Variants in PCDHGA7 observed in about 807,000 individuals in gnomAD.
PCDHGA7 encodes protocadherin gamma subfamily A, 7, also known as protocadherin gamma-A7.
A neutral mutation model predicts 58.3 loss-of-function variants in PCDHGA7; 44 were observed. The observed-to-expected ratio is 0.75, with a 90% CI of 0.59 to 0.97. PCDHGA7 has a LOEUF of 0.97. Ranked by LOEUF, PCDHGA7 falls within the 50% of genes least tolerant of loss-of-function variation. The pLI is 0.00. For missense variants in PCDHGA7, 1,266 were observed against 1,188.7 expected, an observed-to-expected ratio of 1.06 and a Z score of -0.96; for synonymous variants, 516 against 504.2, an observed-to-expected ratio of 1.02 and a Z score of -0.31.
chr5:141,469,499 C>T lies in PCDHGA7; in HGVS notation c.2425-25308C>T, dbSNP rs1023274165. Among the ~76,000 whole-genome samples, 22 of 152,128 alleles carry T rather than the reference C, an allele frequency of 1.4e-4. 1 individual carries two copies. The highest frequency in any genetic ancestry group is 3.9e-4 in the African/African-American group (16 of 41,510). On this transcript the variant is annotated intron_variant, in intron 1 of 3. Coordinates refer to ENST00000518325, the MANE Select transcript of PCDHGA7 (RefSeq NM_018920.4). ...CTGAGGCAGGAGAATCGCTTGAACC[C>T]GGGAGGTGGAGGTTGCAGTGAGCCA...
In PCDHGA7 at chr5:141,470,146, A is replaced by G. The variant is rs181633492; in HGVS notation, c.2425-24661A>G. On this transcript the variant is annotated intron_variant, in intron 1 of 3. Coordinates refer to ENST00000518325, the MANE Select transcript of PCDHGA7 (RefSeq NM_018920.4). ...TTCGTCTCAAAAAAAAAGATCATAG[A>G]TCATCTTATCAAATCAAAGTATGCA... Among the ~76,000 whole-genome samples, 102 of 152,308 alleles carry G rather than the reference A, an allele frequency of 6.7e-4. 2 individuals carry two copies. Among genetic ancestry groups the G allele is most frequent in the African/African-American group, 2.4e-3 (99 of 41,558 alleles).
intron 1 of PCDHGA7, among the ~76,000 whole-genome samples, chr5:141,386,522 C>CT (rs35543697): frequency 1 from 152,285 of 152,292 alleles, 76,139 homozygotes; most frequent in Middle Eastern, 1. Flanking sequence ...CAAAAAAAGA[C>CT]TCTTTTTAGA....
At chr5:141,464,156 T>C (rs2099077051) in intron 1 of PCDHGA7, among the ~76,000 whole-genome samples, 2 of 151,752 alleles carry the variant, frequency 1.3e-5, no homozygotes, top group Non-Finnish European at 1.5e-5. Context: ...TCCCAGCTAC[T>C]TGGAAGGCTG....
Position 141,383,067 on chromosome 5 carries a change from C to G in PCDHGA7, c.168C>G (p.Pro56=). 2 of 1,613,822 alleles carry G rather than the reference C, an allele frequency of 1.2e-6. No individual in the cohort carries two copies. Among genetic ancestry groups the G allele is most frequent in the South Asian group, 1.1e-5 (1 of 91,076 alleles). The change falls in exon 1 of 4, where the codon CCC becomes CCG. Residue 56 remains proline, a synonymous_variant. Transcript: ENST00000518325. ...TCGCCAAGGACCTGGGGCTGGAGCC[C>G]CGGGAGCTGGCGGAGCGCGGAGTCC... ...GDIAKDLGLE[P]RELAERGVRI...
rs200254467 is a variant in PCDHGA7 at position 141,419,887 on chromosome 5, C to T, written c.2424+34564C>T. 380 of 1,614,050 alleles carry T rather than the reference C, an allele frequency of 2.4e-4. 1 individual carries two copies. The Admixed American group carries it at 2.6e-3, about 11-fold the overall frequency. ...TGCAAGAGGTACTGCCGGATTTCAGCGACCATCCCACACCCTCTGACTCCC... is the reference window on the plus strand; with the variant it reads ...TGCAAGAGGTACTGCCGGATTTCAGTGACCATCCCACACCCTCTGACTCCC... On this transcript the variant is annotated intron_variant, in intron 1 of 3. Transcript: ENST00000518325.
chr5:141,492,464 C>G (rs1595116794), intron 1 of PCDHGA7, among the ~76,000 whole-genome samples: 1 of 152,354 alleles, frequency 6.6e-6, no homozygotes, highest in Non-Finnish European at 1.5e-5. Context: ...GCCTGAGGGT[C>G]CCAGATCGCG....
Position 141,432,856 on chromosome 5 carries a change from G to A in PCDHGA7, c.2424+47533G>A, listed in dbSNP as rs773243805. 8.7e-6 allele frequency: 14 copies of A among 1,614,024 alleles called. No homozygotes were observed. The highest frequency in any genetic ancestry group is 1.3e-5 in the African/African-American group (1 of 74,908). ...TGTACCTGGTGGTAGCGGTGGCCGC[G>A]GTCTCCTGCGTCTTCCTGGCCTTCG... On this transcript the variant is annotated intron_variant, in intron 1 of 3. Coordinates refer to ENST00000518325, the MANE Select transcript of PCDHGA7 (RefSeq NM_018920.4). The surrounding 1 kb of genome is among the most constrained non-coding windows in gnomAD (Gnocchi z 6.0).
intron 1 of PCDHGA7, among the ~76,000 whole-genome samples, chr5:141,439,391 G>A (rs880080): frequency 0.036 from 5,494 of 152,210 alleles, 123 homozygotes; most frequent in South Asian, 0.078. Context: ...TCATCACTTC[G>A]ACTTCATGTG....
chr5:141,395,547 TGTGTGTGTG>T (rs754815609), intron 1 of PCDHGA7: 25,854 of 174,180 alleles, frequency 0.15, 2,316 homozygotes, highest in South Asian at 0.18. Flanking sequence ...ATTGTTTGTG[TGTGTGTGTG>T]TGTGTGTGTG....
chr5:141,450,104 T>A (rs1041853602), intron 1 of PCDHGA7, among the ~76,000 whole-genome samples: 1 of 150,664 alleles, frequency 6.6e-6, no homozygotes, highest in African/African-American at 2.5e-5. Flanking sequence ...CCTCCCAGGT[T>A]CAAATGATTC....
intron 1 of PCDHGA7, among the ~76,000 whole-genome samples, chr5:141,474,010 C>G (rs989832548): frequency 1.3e-5 from 2 of 152,092 alleles, no homozygotes; most frequent in Admixed American, 1.3e-4. Flanking sequence ...CTGGAAGTTA[C>G]AGTGAGCTAT....
chr5:141,490,103 C>T lies in PCDHGA7; in HGVS notation c.2425-4704C>T, dbSNP rs1012215533. ...TCTTTTGGAGACCACACATCTGAGG[C>T]AGTGCGGAACCTCTTTGGCCTAGAC... On this transcript the variant is annotated intron_variant, in intron 1 of 3. Coordinates refer to ENST00000518325, the MANE Select transcript of PCDHGA7 (RefSeq NM_018920.4). The surrounding 1 kb of genome is among the most constrained non-coding windows in gnomAD (Gnocchi z 5.4). The T allele has an allele frequency of 6.2e-7, 1 of 1,614,122 alleles. No homozygotes were observed. The highest frequency in any genetic ancestry group is 1.3e-5 in the African/African-American group (1 of 74,954).
intron 2 of PCDHGA7, among the ~76,000 whole-genome samples, chr5:141,496,703 GT>G (rs1360916053): frequency 6.6e-6 from 1 of 152,132 alleles, no homozygotes; most frequent in East Asian, 1.9e-4. Context: ...CTTCTCATAA[GT>G]TATCCATTAA....
intron 2 of PCDHGA7, among the ~76,000 whole-genome samples, chr5:141,501,476 A>T (rs1274017343): frequency 3.3e-5 from 5 of 152,044 alleles, no homozygotes; most frequent in Admixed American, 3.3e-4. Context: ...ATCCTGGAAG[A>T]GTCCCTCATA....
At chr5:141,405,415 G>A in intron 1 of PCDHGA7, 4 of 1,559,568 alleles carry the variant, frequency 2.6e-6, no homozygotes, top group African/African-American at 1.4e-5. Flanking sequence ...TTCTTTTTTT[G>A]TTTTTTGTTT....
In PCDHGA7 at chr5:141,489,362, C is replaced by T. The variant is rs1562129544; in HGVS notation, c.2425-5445C>T. 8 of 1,613,052 alleles carry T rather than the reference C, an allele frequency of 5.0e-6. No individual in the cohort carries two copies. Among genetic ancestry groups the T allele is most frequent in the South Asian group, 2.2e-5 (2 of 90,970 alleles). On this transcript the variant is annotated intron_variant, in intron 1 of 3. Coordinates refer to ENST00000518325, the MANE Select transcript of PCDHGA7 (RefSeq NM_018920.4). The surrounding 1 kb of genome is among the most constrained non-coding windows in gnomAD (Gnocchi z 4.5). ...TACTCAGTGGTGGAGGAGTCTGAGC[C>T]GGGGACGCTGGTGGGGAATGTTGCT...
intron 1 of PCDHGA7, chr5:141,475,850 G>C (rs2099376325): frequency 8.6e-6 from 4 of 464,524 alleles, no homozygotes; most frequent in Non-Finnish European, 1.5e-5. Flanking sequence ...AGAGAGCCCG[G>C]CGCTAGCTCA....
rs765969768 is a variant in PCDHGA7, at chr5:141,421,456, G to A, written c.2424+36133G>A. ...CTCCAGAGGGAAGACACAGCTTTTC[G>A]CTGTGAATCCGCGAAGCGGCAGCTT... is the stretch of plus-strand genomic sequence containing the variant. On this transcript the variant is annotated intron_variant, in intron 1 of 3. Transcript: ENST00000518325. 9.3e-6 allele frequency: 15 copies of A among 1,614,132 alleles called. No homozygotes were observed. Among genetic ancestry groups the A allele is most frequent in the Non-Finnish European group, 1.1e-5 (13 of 1,179,948 alleles).
rs1021096537 is a variant in PCDHGA7, at chr5:141,511,383, T to C, written c.*210T>C. 2 of 1,155,330 alleles carry C rather than the reference T, an allele frequency of 1.7e-6. No homozygotes were observed. Among genetic ancestry groups the C allele is most frequent in the Non-Finnish European group, 2.4e-6 (2 of 841,000 alleles). The allele number at this position is 1,155,330 out of a possible 1,614,324, so 71.6% of individuals were successfully genotyped here. ...GTTGAATATGCAAAAGCAGTTCCGC[T>C]GGGAACCCCCATCCAATCAACTGCT... is the stretch of plus-strand genomic sequence containing the variant. On this transcript the variant is annotated 3_prime_UTR_variant, in exon 4 of 4. Transcript: ENST00000518325.
Sources: gnomAD v4.1 joint callset for allele counts (sites outside exome capture counted in the v4.1 genomes callset) on GRCh38, gnomAD v4.1.1 for gene constraint, Gnocchi (gnomAD v3.1) non-coding constraint, MANE v1.5 for transcripts, NCBI Gene and HGNC (gene_info 2026-07-23, HGNC 2026-07-21) for gene names.